The following AASDH variants were observed in gnomAD, a reference collection of about 807,000 sequenced individuals.
The protein encoded by AASDH is beta-alanine-activating enzyme.
AASDH carries 81 observed loss-of-function variants against 102.3 expected under a neutral mutation model. The ratio of observed to expected loss-of-function variants is 0.79; its 90% CI spans 0.66 to 0.95. The LOEUF is 0.95. AASDH is among the 40% of genes least tolerant of loss of function. AASDH has a pLI of 0.00. For missense variants in AASDH, 1,203 were observed against 1,266.2 expected (o/e 0.95, Z 0.76); for synonymous variants, 398 against 454.0 (o/e 0.88, Z 1.57).
At chr4:56,387,053 T>G (rs918226612) in intron 1 of AASDH, among the ~76,000 whole-genome samples, 3 of 152,102 alleles carry the variant, frequency 2.0e-5, no homozygotes, top group African/African-American at 7.2e-5. Context: ...ATGCAACGAG[T>G]AACAATGCAA....
intron 5 of AASDH, among the ~76,000 whole-genome samples, chr4:56,355,842 C>T (rs372836947): frequency 2.0e-5 from 3 of 151,942 alleles, no homozygotes; most frequent in Admixed American, 6.6e-5. Context: ...GTCTTGGACT[C>T]CTGGGCTCAA....
chr4:56,338,793 T>TGTA lies in AASDH; in HGVS notation c.2908-3_2908-2insTAC. On this transcript the variant is annotated splice_region_variant and splice_polypyrimidine_tract_variant and intron_variant, in intron 14 of 14. Coordinates refer to ENST00000205214, the MANE Select transcript of AASDH (RefSeq NM_181806.4). ...TCCACTGGTAGAGAACTGCCAAACCTATAACAAGTAATAAAAATAAATATA... is the reference window on the plus strand; with the variant it reads ...TCCACTGGTAGAGAACTGCCAAACCTGTAATAACAAGTAATAAAAATAAATATA... The TGTA allele has an allele frequency of 1.9e-6, 3 of 1,611,532 alleles. No homozygotes were observed. Among genetic ancestry groups the TGTA allele is most frequent in the Non-Finnish European group, 1.7e-6 (2 of 1,178,788 alleles).
intron 4 of AASDH, among the ~76,000 whole-genome samples, chr4:56,371,917 C>G (rs1282141189): frequency 1.3e-5 from 2 of 151,802 alleles, no homozygotes; most frequent in Non-Finnish European, 2.9e-5. Flanking sequence ...GATTGAACTA[C>G]TGTCCCCGGA....
At chr4:56,377,024 G>A (rs917885317) in intron 4 of AASDH, among the ~76,000 whole-genome samples, 4 of 148,360 alleles carry the variant, frequency 2.7e-5, no homozygotes, top group African/African-American at 5.0e-5. Context: ...CCGAGATCCC[G>A]CCACTGCACT....
chr4:56,341,499 T>TG (rs1366095277), intron 14 of AASDH, among the ~76,000 whole-genome samples: 2 of 150,236 alleles, frequency 1.3e-5, no homozygotes, highest in African/African-American at 4.9e-5. Flanking sequence ...TTCCAGCGAT[T>TG]CCCCTGCCTC....
At chr4:56,339,536 C>T (rs922816410) in intron 14 of AASDH, among the ~76,000 whole-genome samples, 2 of 151,354 alleles carry the variant, frequency 1.3e-5, no homozygotes, top group Non-Finnish European at 3.0e-5. Flanking sequence ...AGATCACCTG[C>T]AGTCAGGAGT....
intron 4 of AASDH, among the ~76,000 whole-genome samples, chr4:56,376,875 G>A (rs556934641): frequency 4.0e-5 from 6 of 151,564 alleles, no homozygotes; most frequent in Admixed American, 1.3e-4. Flanking sequence ...AGACCATCCC[G>A]GCTAAAACAG....
At chr4:56,367,212 A>C (rs1318446172) in intron 5 of AASDH, among the ~76,000 whole-genome samples, 1 of 152,060 alleles carries the variant, frequency 6.6e-6, no homozygotes, top group Non-Finnish European at 1.5e-5. Context: ...TCAATGAAAT[A>C]AAAGAGGATA....
At chr4:56,373,613 A>G (rs1246506557) in intron 4 of AASDH, among the ~76,000 whole-genome samples, 1 of 152,220 alleles carries the variant, frequency 6.6e-6, no homozygotes, top group Non-Finnish European at 1.5e-5. Context: ...AAAGTGCCAT[A>G]CGTTGGGGTA....
intron 14 of AASDH, among the ~76,000 whole-genome samples, chr4:56,341,389 CTTTTTTT>C (rs575687659): frequency 1.2e-4 from 11 of 92,406 alleles, no homozygotes; most frequent in East Asian, 2.8e-4. Flanking sequence ...AGACTTTTAT[CTTTTTTT>C]TTTTTTTTTT....
At chr4:56,354,889 G>T in intron 6 of AASDH, 78 bp from the exon 7 acceptor site, 2 of 1,194,674 alleles carry the variant, frequency 1.7e-6, no homozygotes, top group Non-Finnish European at 2.3e-6. Flanking sequence ...AAATCATACT[G>T]TACCAAATAA....
At chr4:56,338,825 T>A in intron 14 of AASDH, 34 bp from the exon 15 acceptor site, 1 of 1,576,050 alleles carries the variant, frequency 6.3e-7, no homozygotes, top group East Asian at 2.3e-5. Context: ...TATAATTCAT[T>A]CATCTAATTG....
intron 4 of AASDH, among the ~76,000 whole-genome samples, chr4:56,373,821 T>C (rs1312941690): frequency 1.5e-5 from 1 of 67,990 alleles, no homozygotes; most frequent in African/African-American, 5.4e-5. Flanking sequence ...TATGCATGCA[T>C]ACAGTTCATG....
chr4:56,344,706 C>G (rs1469646596), intron 12 of AASDH, among the ~76,000 whole-genome samples: 1 of 151,722 alleles, frequency 6.6e-6, no homozygotes, highest in Non-Finnish European at 1.5e-5. Flanking sequence ...TCTTTAATTC[C>G]AAAACTCTGA....
intron 10 of AASDH, 124 bp from the exon 11 acceptor site, chr4:56,350,182 C>T (rs1748839323): frequency 3.3e-6 from 3 of 915,150 alleles, no homozygotes; most frequent in Non-Finnish European, 1.6e-6. Flanking sequence ...AGGTCGGGTA[C>T]AGTGGCTCAC....
chr4:56,367,086 C>G (rs1751108679), intron 5 of AASDH, among the ~76,000 whole-genome samples: 1 of 151,462 alleles, frequency 6.6e-6, no homozygotes, highest in South Asian at 2.1e-4. Context: ...AACAGACAAA[C>G]AGCCAAATCA....
At chr4:56,354,944 GA>G in intron 6 of AASDH, 133 bp from the exon 7 acceptor site, 1 of 849,876 alleles carries the variant, frequency 1.2e-6, no homozygotes, top group Non-Finnish European at 1.7e-6. Flanking sequence ...CTGACAAGAG[GA>G]AAAGGTTAGG....
Position 56,355,141 on chromosome 4 carries a change from TAC to T in AASDH, c.1103+39_1103+40del, listed in dbSNP as rs758956979. The T allele has an allele frequency of 1.1e-5, 18 of 1,578,952 alleles. 1 individual carries two copies. The highest frequency in any genetic ancestry group is 3.4e-4 in the Middle Eastern group (2 of 5,860). On this transcript the variant is annotated intron_variant, in intron 6 of 14. Coordinates refer to ENST00000205214, the MANE Select transcript of AASDH (RefSeq NM_181806.4). ...TGTCAGTGTTAAGATCCTAGAAATA[TAC>T]AGTCTCTCTTCTCTATATAGTACAA...
rs767808606 is a variant in AASDH at position 56,338,700 on chromosome 4, A to T, written c.2999T>A (p.Phe1000Tyr). Reference sequence around the variant, plus strand: ...ACCTTTCATGTTACAACAGTAGATAAAGCAATCATGGGAACCAAAAAATAT... The same window carrying T: ...ACCTTTCATGTTACAACAGTAGATATAGCAATCATGGGAACCAAAAAATAT... Reference protein sequence around the residue: ...QKIFFGSHDCFIYCCNMKGHL... With the variant: ...QKIFFGSHDCYIYCCNMKGHL... The change falls in exon 15 of 15, where the codon TTT (phenylalanine) becomes TAT (tyrosine). Residue 1000 changes from phenylalanine (F) to tyrosine (Y), a missense_variant. By Grantham distance (22) the Phe-to-Tyr change is conservative. Transcript: ENST00000205214. 2.5e-6 allele frequency: 4 copies of T among 1,614,064 alleles called. No homozygotes were observed. The highest frequency in any genetic ancestry group is 3.4e-6 in the Non-Finnish European group (4 of 1,180,030).
Sources: allele counts gnomAD v4.1 joint callset (sites outside exome capture counted in the v4.1 genomes callset), GRCh38; gene constraint gnomAD v4.1.1; transcripts MANE v1.5; gene names NCBI Gene and HGNC (gene_info 2026-07-23, HGNC 2026-07-21).